Variants in GREB1L observed in about 807,000 individuals in gnomAD.
The protein encoded by GREB1L is GREB1 like retinoic acid receptor coactivator.
In GREB1L, 17 loss-of-function variants were observed where a neutral mutation model predicts 200.8. The observed-to-expected ratio is 0.08, with a 90% CI of 0.06 to 0.13. The LOEUF (loss-of-function observed/expected upper bound fraction) is 0.13, where lower values mean the gene tolerates loss of function less well. Among genes scored for constraint, GREB1L ranks in the 10% least tolerant of loss-of-function variants. The pLI is 1.00. For synonymous variants in GREB1L, 789 were observed against 893.0 expected (o/e 0.88, Z 2.08); for missense variants, 1,657 against 2,367.7 (o/e 0.70, Z 6.23).
chr18:21,309,512 C>T (rs558869506), intron 1 of GREB1L, among the ~76,000 whole-genome samples: 1 of 152,308 alleles, frequency 6.6e-6, no homozygotes, highest in South Asian at 2.1e-4. Context: ...TACACTACAA[C>T]TGGGGCACTG....
chr18:21,358,384 C>G (rs2039535307), intron 1 of GREB1L, among the ~76,000 whole-genome samples: 4 of 152,146 alleles, frequency 2.6e-5, no homozygotes, highest in Admixed American at 2.6e-4. Context: ...CGTGAGATCT[C>G]AGCTCGCTGC....
chr18:21,366,482 C>T (rs887634858), intron 2 of GREB1L, among the ~76,000 whole-genome samples: 1 of 152,198 alleles, frequency 6.6e-6, no homozygotes, highest in Non-Finnish European at 1.5e-5. Context: ...TGCATAAATA[C>T]CCAGATTATC....
At chr18:21,257,727 G>A (rs1005456796) in intron 1 of GREB1L, among the ~76,000 whole-genome samples, 9 of 152,168 alleles carry the variant, frequency 5.9e-5, no homozygotes, top group African/African-American at 2.2e-4. Context: ...ACAAAACACA[G>A]CTTTTGATTT....
At chr18:21,328,986 T>C (rs1295667424) in intron 1 of GREB1L, among the ~76,000 whole-genome samples, 1 of 152,128 alleles carries the variant, frequency 6.6e-6, no homozygotes, top group Non-Finnish European at 1.5e-5. Flanking sequence ...TCAGCATATG[T>C]CTTAATCCAG....
At chr18:21,299,217 G>A (rs1432450237) in intron 1 of GREB1L, among the ~76,000 whole-genome samples, 1 of 150,850 alleles carries the variant, frequency 6.6e-6, no homozygotes, top group Non-Finnish European at 1.5e-5. Context: ...GGCGGAGGTT[G>A]CAGTGAGCCT....
intron 1 of GREB1L, among the ~76,000 whole-genome samples, chr18:21,361,010 G>A (rs2039572981): frequency 6.6e-6 from 1 of 152,182 alleles, no homozygotes; most frequent in Non-Finnish European, 1.5e-5. Flanking sequence ...AGTCGTGGTG[G>A]TCTGTTATCT....
chr18:21,267,215 C>T (rs1033601415), intron 1 of GREB1L, among the ~76,000 whole-genome samples: 3 of 106,358 alleles, frequency 2.8e-5, no homozygotes, highest in South Asian at 3.7e-4. Context: ...TTTTTTGAGA[C>T]GGAGCACCCA....
intron 1 of GREB1L, among the ~76,000 whole-genome samples, chr18:21,348,458 G>A (rs1183557363): frequency 2.6e-5 from 4 of 152,018 alleles, no homozygotes; most frequent in Non-Finnish European, 5.9e-5. Flanking sequence ...GGGTAACATA[G>A]TGAGACCCCA....
intron 18 of GREB1L, among the ~76,000 whole-genome samples, chr18:21,487,732 G>A (rs907718642): frequency 4.6e-5 from 7 of 152,080 alleles, no homozygotes; most frequent in African/African-American, 1.4e-4. Flanking sequence ...TGGGCGCGGT[G>A]GCTCATGCCT....
chr18:21,286,364 GTAAAAAGA>G (rs2038357147), intron 1 of GREB1L, among the ~76,000 whole-genome samples: 1 of 152,152 alleles, frequency 6.6e-6, no homozygotes, highest in Non-Finnish European at 1.5e-5. Context: ...ATTCTGTAGG[GTAAAAAGA>G]TTCTAACAGG....
At chr18:21,244,399 G>A (rs1235461441) in intron 1 of GREB1L, among the ~76,000 whole-genome samples, 1 of 152,146 alleles carries the variant, frequency 6.6e-6, no homozygotes, top group East Asian at 1.9e-4. Flanking sequence ...GGATAAATAC[G>A]AAGGCCGAGT....
chr18:21,414,455 A>G (rs527347129), intron 7 of GREB1L, among the ~76,000 whole-genome samples: 2 of 152,318 alleles, frequency 1.3e-5, no homozygotes, highest in Admixed American at 6.5e-5. Flanking sequence ...ATTAATCCAA[A>G]TGTATAGGTT....
At chr18:21,520,149 C>T (rs1300581726) in intron 31 of GREB1L, among the ~76,000 whole-genome samples, 1 of 152,122 alleles carries the variant, frequency 6.6e-6, no homozygotes, top group Non-Finnish European at 1.5e-5. Context: ...CCACGTTGGC[C>T]AGACTGCTCT....
At chr18:21,407,552 C>T (rs2144634025) in intron 7 of GREB1L, among the ~76,000 whole-genome samples, 1 of 152,174 alleles carries the variant, frequency 6.6e-6, no homozygotes, top group South Asian at 2.1e-4. Flanking sequence ...CAGTGAATTG[C>T]ATTGGTCAAA....
At chr18:21,508,714 GGAA>G in intron 27 of GREB1L, 123 bp downstream of exon 27, 1 of 321,046 alleles carries the variant, frequency 3.1e-6, no homozygotes. Flanking sequence ...ACCACTCTTC[GGAA>G]AAAAAAAAAA....
intron 7 of GREB1L, among the ~76,000 whole-genome samples, chr18:21,423,472 T>C (rs534780141): frequency 1.3e-5 from 2 of 152,288 alleles, no homozygotes; most frequent in African/African-American, 4.8e-5. Flanking sequence ...TAAGAGTGTT[T>C]TTTGTACATA....
chr18:21,518,344 A>T, intron 31 of GREB1L, 110 bp downstream of exon 31: 1 of 1,026,894 alleles, frequency 9.7e-7, no homozygotes. Flanking sequence ...TCAAGATGCC[A>T]GTCTGGTCCT....
chr18:21,270,998 A>G (rs969786790), intron 1 of GREB1L, among the ~76,000 whole-genome samples: 2 of 152,228 alleles, frequency 1.3e-5, no homozygotes, highest in Middle Eastern at 3.2e-3. Flanking sequence ...AGTAAGTGCC[A>G]GAGCTGGGAT....
chr18:21,445,027 CG>C (rs1413729927), intron 11 of GREB1L, among the ~76,000 whole-genome samples: 1 of 152,146 alleles, frequency 6.6e-6, no homozygotes, highest in Non-Finnish European at 1.5e-5. Context: ...ATATATTCTC[CG>C]AAGCCCCAAA....
Sources: allele counts gnomAD v4.1 joint callset (sites outside exome capture counted in the v4.1 genomes callset), GRCh38; gene constraint gnomAD v4.1.1; transcripts MANE v1.5; gene names NCBI Gene and HGNC (gene_info 2026-07-23, HGNC 2026-07-21).